Variants in HOGA1 observed in about 807,000 individuals in gnomAD.
HOGA1 encodes the protein 4-hydroxy-2-oxoglutarate aldolase 1.
A neutral mutation model predicts 34.3 loss-of-function variants in HOGA1; 30 were observed. That is an observed-to-expected ratio of 0.87 (90% CI 0.65 to 1.19). The LOEUF (loss-of-function observed/expected upper bound fraction) is 1.19, where lower values mean the gene tolerates loss of function less well. Among genes scored for constraint, HOGA1 ranks in the 50% most tolerant of loss-of-function variants. The pLI is 0.00. For synonymous variants in HOGA1, 161 were observed against 174.0 expected (o/e 0.93, Z 0.59); for missense variants, 417 against 436.5 (o/e 0.96, Z 0.40).
rs1242908896 is a variant in HOGA1 at position 97,602,366 on chromosome 10, A to G, written c.834+376A>G. 7.5e-6 allele frequency: 9 copies of G among 1,197,830 alleles called. No individual in the cohort carries two copies. The African/African-American group carries it at 1.3e-4, about 17-fold the overall frequency. The allele number at this position is 1,197,830 out of a possible 1,614,324, so 74.2% of individuals were successfully genotyped here. ...AACCAGGGGCCTCTAAATCCGTGCT[A>G]TCGGGGGCCAGGTCCTGAAAAAATA... On this transcript the variant is annotated intron_variant, in intron 6 of 6. Coordinates refer to ENST00000370646, the MANE Select transcript of HOGA1 (RefSeq NM_138413.4).
intron 6 of HOGA1, among the ~76,000 whole-genome samples, chr10:97,610,188 C>T (rs1589913421): frequency 6.6e-6 from 1 of 152,216 alleles, no homozygotes; most frequent in East Asian, 1.9e-4. Context: ...TTATAATAGG[C>T]CAGGCGCCGT....
chr10:97,599,388 C>A, intron 3 of HOGA1, 172 bp downstream of exon 3: 1 of 767,654 alleles, frequency 1.3e-6, no homozygotes, highest in South Asian at 1.7e-5. Context: ...TGTGTTACTG[C>A]TTTCTCCCCT....
At chr10:97,586,762 G>A (rs1265178281) in intron 1 of HOGA1, among the ~76,000 whole-genome samples, 1 of 152,154 alleles carries the variant, frequency 6.6e-6, no homozygotes, top group Non-Finnish European at 1.5e-5. Flanking sequence ...AGGGCATGGG[G>A]TGCCCAGGAG....
At chr10:97,586,450 C>G (rs567831990) in intron 1 of HOGA1, among the ~76,000 whole-genome samples, 12 of 152,342 alleles carry the variant, frequency 7.9e-5, no homozygotes, top group Non-Finnish European at 1.8e-4. Context: ...TGTGCCCCTT[C>G]CTTGGGGACA....
At chr10:97,602,655 C>G (rs2041128534) in intron 6 of HOGA1, 4 of 863,492 alleles carry the variant, frequency 4.6e-6, no homozygotes, top group Non-Finnish European at 5.6e-6. Context: ...TCCCTCCTTT[C>G]TGTCTTTCTT....
chr10:97,600,266 T>C, intron 5 of HOGA1, 103 bp downstream of exon 5: 1 of 993,842 alleles, frequency 1.0e-6, no homozygotes, highest in Non-Finnish European at 1.6e-6. Context: ...GGTCTGCAGA[T>C]GGTAGTTTGC....
Position 97,585,848 on chromosome 10 carries a change from T to A in HOGA1, c.211+934T>A, listed in dbSNP as rs1476250599. On this transcript the variant is annotated intron_variant, in intron 1 of 6. Transcript: ENST00000370646. ...GCAGTATCGTGTAGACTGTGGACTCTGGTTTCAAATCACAGCTCTGGAGTG... is the reference window on the plus strand; with the variant it reads ...GCAGTATCGTGTAGACTGTGGACTCAGGTTTCAAATCACAGCTCTGGAGTG... Among the ~76,000 whole-genome samples the A allele has an allele frequency of 2.0e-5, 3 of 152,222 alleles. No individual in the cohort carries two copies. The East Asian group carries it at 5.8e-4, about 29-fold the overall frequency.
chr10:97,611,960 C>G lies in HOGA1; in HGVS notation c.*301C>G, dbSNP rs1564762756. On this transcript the variant is annotated 3_prime_UTR_variant, in exon 7 of 7. Transcript: ENST00000370646. ...GGATGCTTTCCTACGCCCTGAGGCA[C>G]ATGAAGTCAGAAAGGAAGGGCAGAG... 2.7e-6 allele frequency: 1 copy of G among 375,962 alleles called. No individual in the cohort carries two copies. Among genetic ancestry groups the G allele is most frequent in the African/African-American group, 2.1e-5 (1 of 48,168 alleles). The allele number at this position is 375,962 out of a possible 1,614,324, so 23.3% of individuals were successfully genotyped here.
intron 1 of HOGA1, 36 bp from the exon 2 acceptor site, chr10:97,598,739 G>A: frequency 6.2e-7 from 1 of 1,613,998 alleles, no homozygotes. Context: ...GTTCGGTAGA[G>A]GATGGGAAGG....
At chr10:97,592,927 G>C (rs576586078) in intron 1 of HOGA1, among the ~76,000 whole-genome samples, 7 of 151,302 alleles carry the variant, frequency 4.6e-5, no homozygotes, top group African/African-American at 1.7e-4. Flanking sequence ...CTGCTTGGGA[G>C]GCTGAGTTGG....
At chr10:97,586,548 G>A (rs2040972973) in intron 1 of HOGA1, among the ~76,000 whole-genome samples, 1 of 152,230 alleles carries the variant, frequency 6.6e-6, no homozygotes, top group Non-Finnish European at 1.5e-5. Flanking sequence ...GAGGTTTGGT[G>A]AGGTCCTGGT....
chr10:97,608,021 A>T (rs916399838), intron 6 of HOGA1, among the ~76,000 whole-genome samples: 5 of 152,250 alleles, frequency 3.3e-5, no homozygotes, highest in Admixed American at 6.5e-5. Flanking sequence ...ACCGCTAAAA[A>T]GACACCAGCA....
intron 1 of HOGA1, among the ~76,000 whole-genome samples, chr10:97,585,691 C>T (rs376597244): frequency 1.3e-5 from 2 of 152,190 alleles, no homozygotes; most frequent in Admixed American, 6.5e-5. Context: ...GTTTGCACCT[C>T]GTCTGACTGC....
chr10:97,602,269 C>G, intron 6 of HOGA1: 1 of 1,409,418 alleles, frequency 7.1e-7, no homozygotes, highest in Non-Finnish European at 9.4e-7. Context: ...TGCATTGAAA[C>G]AAACATCCTG....
At chr10:97,593,029 C>CAAAAAAAAA (rs1169191059) in intron 1 of HOGA1, among the ~76,000 whole-genome samples, 1,064 of 47,750 alleles carry the variant, frequency 0.022, 108 homozygotes, top group African/African-American at 0.074. Flanking sequence ...GACTCTGTCT[C>CAAAAAAAAA]AAAAAAAAAA....
At chr10:97,598,731 T>G in intron 1 of HOGA1, 44 bp from the exon 2 acceptor site, 1 of 1,613,408 alleles carries the variant, frequency 6.2e-7, no homozygotes, top group Non-Finnish European at 8.5e-7. Context: ...TCCTAGTTGT[T>G]CGGTAGAGGA....
At chr10:97,586,412 G>A (rs1390391373) in intron 1 of HOGA1, among the ~76,000 whole-genome samples, 1 of 152,248 alleles carries the variant, frequency 6.6e-6, no homozygotes, top group East Asian at 1.9e-4. Flanking sequence ...TGGACACGTT[G>A]ATCATTCATA....
At chr10:97,585,012 G>T in intron 1 of HOGA1, 98 bp downstream of exon 1, 4 of 989,908 alleles carry the variant, frequency 4.0e-6, no homozygotes, top group Admixed American at 2.0e-5. Context: ...GCTGTCCAGG[G>T]ATAGTCTGGT....
At chr10:97,600,007 C>G (rs2041103869) in intron 4 of HOGA1, 60 bp from the exon 5 acceptor site, 3 of 1,551,354 alleles carry the variant, frequency 1.9e-6, no homozygotes, top group African/African-American at 2.7e-5. Context: ...CCACACTTAC[C>G]CGGCCCTCAT....
Sources: gnomAD v4.1 joint callset for allele counts (sites outside exome capture counted in the v4.1 genomes callset) on GRCh38, gnomAD v4.1.1 for gene constraint, MANE v1.5 for transcripts, NCBI Gene and HGNC (gene_info 2026-07-23, HGNC 2026-07-21) for gene names.